The following NRCAM variants were observed in gnomAD, a reference collection of about 807,000 sequenced individuals.
The protein encoded by NRCAM is NgCAM-related cell adhesion molecule.
In NRCAM, 83 loss-of-function variants were observed where a neutral mutation model predicts 156.5. The ratio of observed to expected loss-of-function variants is 0.53; its 90% CI spans 0.44 to 0.64. The LOEUF (loss-of-function observed/expected upper bound fraction) is 0.64. NRCAM is among the 30% of genes least tolerant of loss of function. The pLI, the probability that NRCAM is intolerant of heterozygous loss-of-function variation, is 0.00. For missense variants in NRCAM, 1,417 were observed against 1,597.3 expected (o/e 0.89, Z 1.92); for synonymous variants, 538 against 563.9 (o/e 0.95, Z 0.65).
chr7:108,160,443 A>G lies in NRCAM; in HGVS notation c.3516T>C (p.Gly1172=), dbSNP rs1261688356. 6.2e-7 allele frequency: 1 copy of G among 1,613,620 alleles called. No homozygotes were observed. The highest frequency in any genetic ancestry group is 1.3e-5 in the African/African-American group (1 of 74,894). Residue 1172 remains glycine (G), a synonymous_variant, in exon 31 of 33, where the codon GGT becomes GGC. Coordinates refer to ENST00000379028, the MANE Select transcript of NRCAM (RefSeq NM_001037132.4). ...TAAGGAGAGCAACAGCACACATCAG[A>G]CCAATGAACCAGCCCTGAGTTGCAA... ...VDIATQGWFI[G]LMCAVALLIL...
rs201240389 is a variant in NRCAM at position 108,324,877 on chromosome 7, C to CATTTTTT, written c.-173-12147_-173-12146insAAAAAAT. 1.2e-4 allele frequency among the ~76,000 whole-genome samples: 10 copies of CATTTTTT among 82,672 alleles called. 1 individual carries two copies. Among genetic ancestry groups the CATTTTTT allele is most frequent in the Admixed American group, 2.9e-4 (2 of 6,932 alleles). 54.2% of individuals were successfully genotyped at this position (82,672 alleles called of 152,430 possible). On this transcript the variant is annotated intron_variant, in intron 2 of 32. Coordinates refer to ENST00000379028, the MANE Select transcript of NRCAM (RefSeq NM_001037132.4). Reference sequence around the variant, plus strand: ...TGTTTGTGTAATATTTGGCACTGTACTTTTTTTTTTTTTTTTTTTTTTTTT... The same window carrying CATTTTTT: ...TGTTTGTGTAATATTTGGCACTGTACATTTTTTTTTTTTTTTTTTTTTTTTTTTTTTT...
At chr7:108,229,577 C>T (rs2094013201) in intron 8 of NRCAM, among the ~76,000 whole-genome samples, 1 of 152,162 alleles carries the variant, frequency 6.6e-6, no homozygotes, top group East Asian at 1.9e-4. Context: ...TCTCAGTCTC[C>T]CAGACTCTGC....
chr7:108,373,240 T>G (rs1033695698), intron 2 of NRCAM, among the ~76,000 whole-genome samples: 2 of 152,146 alleles, frequency 1.3e-5, no homozygotes, highest in Non-Finnish European at 2.9e-5. Flanking sequence ...AAAGTTTTAA[T>G]TAAGCAAGAT....
chr7:108,371,531 C>A (rs971787802), intron 2 of NRCAM, among the ~76,000 whole-genome samples: 5 of 152,102 alleles, frequency 3.3e-5, no homozygotes, highest in African/African-American at 4.8e-5. Context: ...CTGAAGAGAA[C>A]TTGATGCTAG....
intron 3 of NRCAM, among the ~76,000 whole-genome samples, chr7:108,270,033 C>T (rs2097283099): frequency 6.6e-6 from 1 of 152,214 alleles, no homozygotes; most frequent in African/African-American, 2.4e-5. Flanking sequence ...AATGTTTCAG[C>T]AGATACAGCT....
intron 32 of NRCAM, among the ~76,000 whole-genome samples, chr7:108,152,739 G>A (rs540620170): frequency 3.9e-5 from 6 of 152,168 alleles, no homozygotes; most frequent in Admixed American, 1.3e-4. Flanking sequence ...GAGACCGCGC[G>A]GCCTGTAAAG....
At chr7:108,246,575 T>C (rs945388336) in intron 3 of NRCAM, among the ~76,000 whole-genome samples, 5 of 151,968 alleles carry the variant, frequency 3.3e-5, no homozygotes, top group East Asian at 1.9e-4. Flanking sequence ...AGAGGATCAA[T>C]AGAAACAGAA....
At chr7:108,187,906 G>C (rs2153414122) in intron 20 of NRCAM, among the ~76,000 whole-genome samples, 1 of 152,168 alleles carries the variant, frequency 6.6e-6, no homozygotes, top group Admixed American at 6.5e-5. Context: ...AGTGAGCCGA[G>C]ATCGCGCCAC....
intron 14 of NRCAM, 68 bp from the exon 15 acceptor site, chr7:108,195,940 A>G: frequency 9.4e-7 from 1 of 1,060,208 alleles, no homozygotes; most frequent in Non-Finnish European, 1.4e-6. Flanking sequence ...TATTTATTGT[A>G]TTTTGTTTTA....
At chr7:108,218,052 G>A (rs1314620520) in intron 11 of NRCAM, among the ~76,000 whole-genome samples, 1 of 152,130 alleles carries the variant, frequency 6.6e-6, no homozygotes, top group Non-Finnish European at 1.5e-5. Context: ...GGTGGTGTAG[G>A]CACCCCAGGG....
intron 3 of NRCAM, among the ~76,000 whole-genome samples, chr7:108,246,635 A>T (rs1235267200): frequency 6.6e-6 from 1 of 152,194 alleles, no homozygotes; most frequent in East Asian, 1.9e-4. Context: ...TGGATAGGTG[A>T]TAACAAGCAC....
chr7:108,294,959 A>C (rs1437754175), intron 3 of NRCAM, among the ~76,000 whole-genome samples: 1 of 152,166 alleles, frequency 6.6e-6, no homozygotes, highest in Non-Finnish European at 1.5e-5. Context: ...GCATCACCAC[A>C]CATGAAAAAC....
At chr7:108,335,461 A>ATTTGTTT (rs2099173387) in intron 2 of NRCAM, among the ~76,000 whole-genome samples, 1 of 25,548 alleles carries the variant, frequency 3.9e-5, no homozygotes, top group African/African-American at 1.5e-4. Flanking sequence ...TTTTTTTTTC[A>ATTTGTTT]GTTTTCACTG....
intron 3 of NRCAM, among the ~76,000 whole-genome samples, chr7:108,270,181 T>C (rs2097289745): frequency 6.6e-6 from 1 of 152,218 alleles, no homozygotes; most frequent in South Asian, 2.1e-4. Flanking sequence ...GGCAACATGA[T>C]AAAAGCAATA....
rs930794554 is a variant in NRCAM at position 108,245,351 on chromosome 7, G to A, written c.-106-5181C>T. ...ATGTTAAAAAAAGAAAACCTCTAACGGTTTCTGAATATCTATAGAAGATCT... is the reference window on the plus strand; with the variant it reads ...ATGTTAAAAAAAGAAAACCTCTAACAGTTTCTGAATATCTATAGAAGATCT... On this transcript the variant is annotated intron_variant, in intron 3 of 32. Transcript: ENST00000379028. 2.6e-5 allele frequency among the ~76,000 whole-genome samples: 4 copies of A among 152,144 alleles called. No homozygotes were observed. The East Asian group carries it at 5.8e-4, about 22-fold the overall frequency.
chr7:108,314,718 A>AT (rs1039685832), intron 2 of NRCAM, among the ~76,000 whole-genome samples: 15 of 152,222 alleles, frequency 9.9e-5, no homozygotes, highest in Non-Finnish European at 1.2e-4. Context: ...ATTGGGACAC[A>AT]TTTTTTTGCT....
intron 3 of NRCAM, among the ~76,000 whole-genome samples, chr7:108,291,712 G>C (rs1008457019): frequency 1.3e-5 from 2 of 152,116 alleles, no homozygotes; most frequent in African/African-American, 4.8e-5. Flanking sequence ...GAGCGACAGA[G>C]AGAGAAGAGA....
intron 2 of NRCAM, among the ~76,000 whole-genome samples, chr7:108,376,109 G>A (rs1415648701): frequency 1.3e-5 from 2 of 152,164 alleles, no homozygotes; most frequent in African/African-American, 4.8e-5. Flanking sequence ...CTTTCTGGGA[G>A]TTACTTCAAC....
Position 108,184,128 on chromosome 7 carries a change from ATTT to A in NRCAM, c.2304+110_2304+112del, listed in dbSNP as rs36044904. 32 of 450,396 alleles carry A rather than the reference ATTT, an allele frequency of 7.1e-5. No homozygotes were observed. In the African/African-American group the frequency reaches 7.2e-4, roughly 10 times the overall value. The allele number at this position is 450,396 out of a possible 1,614,324, so 27.9% of individuals were successfully genotyped here. The stretch of plus-strand genomic sequence containing the variant: ...TATGTATCTTTATATATATATATAT[ATTT>A]TTTTTCCCCAGAAATAGGTGAAATG... On this transcript the variant is annotated intron_variant, in intron 22 of 32. Transcript: ENST00000379028.
Sources: gnomAD v4.1 joint callset for allele counts (sites outside exome capture counted in the v4.1 genomes callset) on GRCh38, gnomAD v4.1.1 for gene constraint, MANE v1.5 for transcripts, NCBI Gene and HGNC (gene_info 2026-07-23, HGNC 2026-07-21) for gene names.